Variants in OR3A2 observed in about 807,000 individuals in gnomAD.
OR3A2 encodes the protein olfactory receptor family 3 subfamily A member 2, also known as olfactory receptor 3A2.
For synonymous variants in OR3A2, 126 were observed against 159.3 expected (o/e 0.79, Z 1.57); for missense variants, 318 against 392.8 (o/e 0.81, Z 1.61).
At chr17:3,350,992 G>A (rs1190935664) in intron 2 of OR3A2, among the ~76,000 whole-genome samples, 3 of 152,068 alleles carry the variant, frequency 2.0e-5, no homozygotes, top group African/African-American at 7.2e-5. Context: ...AACCTTTCAT[G>A]CTAAAAACTC....
At chr17:3,309,772 T>C (rs8081333) in intron 3 of OR3A2, among the ~76,000 whole-genome samples, 25,227 of 152,058 alleles carry the variant, frequency 0.17, 2,990 homozygotes, top group African/African-American at 0.33. Flanking sequence ...CCAAATCTCA[T>C]GGCCTCGCAT....
At chr17:3,376,791 C>T (rs924133881) in intron 2 of OR3A2, among the ~76,000 whole-genome samples, 1 of 1,974 alleles carries the variant, frequency 5.1e-4, no homozygotes, top group Non-Finnish European at 9.6e-4. Context: ...TTCCTTCACC[C>T]TTTGGCCCCT....
At chr17:3,342,656 C>T (rs533685479) in intron 2 of OR3A2, among the ~76,000 whole-genome samples, 7 of 152,298 alleles carry the variant, frequency 4.6e-5, no homozygotes, top group Admixed American at 1.3e-4. Context: ...CTGGAAGCTT[C>T]GTCTCAGAGG....
chr17:3,320,832 T>C (rs554208882), intron 3 of OR3A2, among the ~76,000 whole-genome samples: 1 of 152,234 alleles, frequency 6.6e-6, no homozygotes, highest in South Asian at 2.1e-4. Flanking sequence ...AGCTTTGTTC[T>C]TTTGGCTTAG....
At chr17:3,307,411 C>T (rs2049007560) in intron 3 of OR3A2, among the ~76,000 whole-genome samples, 1 of 152,238 alleles carries the variant, frequency 6.6e-6, no homozygotes, top group Non-Finnish European at 1.5e-5. Context: ...TGGCCCATGA[C>T]AGGCTTAAGC....
intron 2 of OR3A2, among the ~76,000 whole-genome samples, chr17:3,382,645 A>G (rs886177045): frequency 3.3e-5 from 5 of 152,286 alleles, no homozygotes; most frequent in Non-Finnish European, 5.9e-5. Context: ...AAGAGGCCAC[A>G]TTTTAGCTCT....
At chr17:3,346,962 C>T (rs2049369647) in intron 2 of OR3A2, among the ~76,000 whole-genome samples, 1 of 152,150 alleles carries the variant, frequency 6.6e-6, no homozygotes, top group South Asian at 2.1e-4. Context: ...GGTTGCCTCC[C>T]AAAGCTTGGC....
intron 1 of OR3A2, among the ~76,000 whole-genome samples, chr17:3,284,070 C>T (rs1383421763): frequency 6.7e-6 from 1 of 148,534 alleles, no homozygotes; most frequent in Non-Finnish European, 1.5e-5. Flanking sequence ...TCAAGGACTT[C>T]GCTGGAGCGA....
At chr17:3,286,529 C>G (rs2048815001), upstream of OR3A2, among the ~76,000 whole-genome samples, 1 of 152,180 alleles carries the variant, frequency 6.6e-6, no homozygotes, top group African/African-American at 2.4e-5. Flanking sequence ...TACACTCCCA[C>G]CAACAGTGTA....
exon 2 of OR3A2, chr17:3,278,453 G>C (rs2048755927): frequency 6.2e-7 from 1 of 1,614,202 alleles, no homozygotes; most frequent in African/African-American, 1.3e-5. Flanking sequence ...CGTTGGTGAA[G>C]GCACAAGCCA....
At chr17:3,285,871 C>T (rs62089531), upstream of OR3A2, among the ~76,000 whole-genome samples, 27,651 of 152,182 alleles carry the variant, frequency 0.18, 3,146 homozygotes, top group African/African-American at 0.3. Flanking sequence ...ATGCTAAGAA[C>T]ACAACAAGCC....
At chr17:3,358,327 TTGA>T (rs972979287) in intron 2 of OR3A2, among the ~76,000 whole-genome samples, 4 of 151,580 alleles carry the variant, frequency 2.6e-5, no homozygotes, top group African/African-American at 9.8e-5. Context: ...AGCTTTGGGG[TTGA>T]TTTGTTCTTG....
At position 3,385,928 on chromosome 17, in the gene OR3A2, C is replaced by G. The variant is rs1334210582; in HGVS notation, c.-275+197G>C. ...CGGCATTCCCACCTGTCAGTCCACT[C>G]CATGGCTCCGACCAACCTCACATCT... On this transcript the variant is annotated intron_variant, in intron 1 of 4. Coordinates refer to the OR3A2 transcript ENST00000573491. The G allele has an allele frequency of 1.8e-5, 7 of 398,624 alleles. No homozygotes were observed. In the East Asian group the frequency reaches 2.5e-4, roughly 14 times the overall value. The allele number at this position is 398,624 out of a possible 1,614,324, so 24.7% of individuals were successfully genotyped here. A position where few individuals can be genotyped will look rare whatever the true frequency, so the allele number is the denominator to read the frequency against.
intron 2 of OR3A2, among the ~76,000 whole-genome samples, chr17:3,381,522 A>G (rs971071954): frequency 5.3e-5 from 8 of 152,136 alleles, no homozygotes; most frequent in African/African-American, 1.9e-4. Flanking sequence ...ACACAAACTC[A>G]GTCATCATAT....
intron 3 of OR3A2, among the ~76,000 whole-genome samples, chr17:3,330,064 G>C (rs2049216198): frequency 6.8e-6 from 1 of 146,286 alleles, no homozygotes; most frequent in East Asian, 1.9e-4. Flanking sequence ...TGATTGCACT[G>C]TTGTCTGAGA....
chr17:3,298,755 T>C lies in OR3A2; in HGVS notation c.-84-19602A>G, dbSNP rs151255109. ...GATACAGAGGCCAGCAAGGTTTCTA[T>C]TGAAGGGAAAGGAAGCGGGTGAAGC... On this transcript the variant is annotated intron_variant, in intron 3 of 4. Transcript: ENST00000573491. Among the ~76,000 whole-genome samples, 787 of 152,166 alleles carry C rather than the reference T, an allele frequency of 5.2e-3. 4 individuals are homozygous for C. The highest frequency in any genetic ancestry group is 0.018 in the African/African-American group (746 of 41,516).
At chr17:3,382,816 T>C (rs757071323) in intron 2 of OR3A2, among the ~76,000 whole-genome samples, 35 of 152,246 alleles carry the variant, frequency 2.3e-4, no homozygotes, top group Non-Finnish European at 3.1e-4. Context: ...CCAAATCGTC[T>C]AGCAGAGGAA....
chr17:3,372,736 ATC>A (rs1234310368), intron 2 of OR3A2, among the ~76,000 whole-genome samples: 5 of 151,878 alleles, frequency 3.3e-5, no homozygotes, highest in African/African-American at 1.2e-4. Flanking sequence ...AGGCAGGAGA[ATC>A]AGGCAGGGAG....
At chr17:3,276,684 A>C (rs529798788), downstream of OR3A2, among the ~76,000 whole-genome samples, 4 of 152,162 alleles carry the variant, frequency 2.6e-5, no homozygotes, top group Non-Finnish European at 5.9e-5. Context: ...GTTATATTGG[A>C]TATTCTACAT....
Sources: gnomAD v4.1 joint callset for allele counts (sites outside exome capture counted in the v4.1 genomes callset) on GRCh38, gnomAD v4.1.1 for gene constraint, MANE v1.5 for transcripts, NCBI Gene and HGNC (gene_info 2026-07-23, HGNC 2026-07-21) for gene names.